Variants in BMPER observed in about 807,000 individuals in gnomAD.
BMPER encodes the protein BMP-binding endothelial regulator protein.
In BMPER, 45 loss-of-function variants were observed where a neutral mutation model predicts 87.3. The observed-to-expected ratio is 0.52, with a 90% CI of 0.41 to 0.66. BMPER has a LOEUF of 0.66. Among genes scored for constraint, BMPER ranks in the 30% least tolerant of loss-of-function variants. The probability of loss-of-function intolerance (pLI) is 0.00; values close to 1 mark genes in which losing one functional copy is unlikely to be tolerated. For synonymous variants in BMPER, 326 were observed against 316.2 expected, an observed-to-expected ratio of 1.03 and a Z score of -0.33; for missense variants, 784 against 867.5, an observed-to-expected ratio of 0.90 and a Z score of 1.21.
chr7:34,093,217 C>T (rs1468830849), intron 13 of BMPER, among the ~76,000 whole-genome samples: 2 of 152,178 alleles, frequency 1.3e-5, no homozygotes, highest in East Asian at 1.9e-4. Context: ...GTCCTCACCT[C>T]GTGGCATCAT....
chr7:34,011,494 T>C (rs1285401565), intron 6 of BMPER, among the ~76,000 whole-genome samples: 1 of 148,580 alleles, frequency 6.7e-6, no homozygotes. Flanking sequence ...CATACCGCTG[T>C]CTATGGAAGA....
intron 11 of BMPER, among the ~76,000 whole-genome samples, chr7:34,073,299 A>G (rs1788783330): frequency 6.6e-6 from 1 of 152,210 alleles, no homozygotes; most frequent in Admixed American, 6.5e-5. Flanking sequence ...CCATTATTCG[A>G]ACATCATAGA....
chr7:33,994,201 G>A (rs981036206), intron 6 of BMPER, among the ~76,000 whole-genome samples: 2 of 152,218 alleles, frequency 1.3e-5, no homozygotes, highest in Admixed American at 6.5e-5. Flanking sequence ...GGGCAATGGT[G>A]GGCGCCCCTC....
intron 2 of BMPER, among the ~76,000 whole-genome samples, chr7:33,927,054 T>C (rs1412140896): frequency 6.6e-6 from 1 of 152,244 alleles, no homozygotes; most frequent in African/African-American, 2.4e-5. Context: ...CAGGGTCAAT[T>C]GTGCAGATGT....
chr7:33,909,544 A>G lies in BMPER; in HGVS notation c.219+2641A>G, dbSNP rs866523473. 8.5e-5 allele frequency among the ~76,000 whole-genome samples: 13 copies of G among 152,268 alleles called. 1 individual carries two copies. In the Middle Eastern group the frequency reaches 0.014, roughly 159 times the overall value. ...TGGTTAGCTGGTTTTATGTATGTAC[A>G]TTAAGAGGGTATGTAATAGTCTCAA... is the stretch of plus-strand genomic sequence containing the variant. On this transcript the variant is annotated intron_variant, in intron 2 of 14. Transcript: ENST00000649409.
upstream of BMPER, among the ~76,000 whole-genome samples, chr7:33,905,313 G>C (rs1410235033): frequency 6.6e-6 from 1 of 150,992 alleles, no homozygotes; most frequent in Non-Finnish European, 1.5e-5. Flanking sequence ...CCCCCTCTCC[G>C]GCGCTGAGGG....
At chr7:34,035,032 A>G (rs1178840999) in intron 6 of BMPER, among the ~76,000 whole-genome samples, 1 of 152,142 alleles carries the variant, frequency 6.6e-6, no homozygotes, top group Non-Finnish European at 1.5e-5. Context: ...TTGATCATAT[A>G]TGGCCTAGAT....
intron 13 of BMPER, among the ~76,000 whole-genome samples, chr7:34,120,047 T>G (rs1562756440): frequency 6.6e-6 from 1 of 152,180 alleles, no homozygotes; most frequent in East Asian, 1.9e-4. Flanking sequence ...ACTTCACATT[T>G]ACATAAAAAA....
At chr7:34,123,310 T>C (rs994649132) in intron 13 of BMPER, among the ~76,000 whole-genome samples, 5 of 152,222 alleles carry the variant, frequency 3.3e-5, no homozygotes, top group African/African-American at 1.2e-4. Context: ...TGCTATCTTT[T>C]AGCACTAAGA....
chr7:34,037,358 G>T (rs1787706866), intron 6 of BMPER, among the ~76,000 whole-genome samples: 1 of 152,076 alleles, frequency 6.6e-6, no homozygotes, highest in East Asian at 1.9e-4. Context: ...AGCCAGGCTG[G>T]ACCTGCTCAC....
chr7:34,112,013 T>G (rs945592496), intron 13 of BMPER, among the ~76,000 whole-genome samples: 10 of 152,290 alleles, frequency 6.6e-5, no homozygotes, highest in African/African-American at 1.9e-4. Flanking sequence ...ATCTAAATGG[T>G]TACAAAAGAA....
rs1786603543 is a variant in BMPER at position 34,002,333 on chromosome 7, A to T, written c.576+27549A>T. The stretch of plus-strand genomic sequence containing the variant: ...AGTTACATGAGATATTTAATATTTT[A>T]TTATAAAATAGGCTTTGGGTTATAT... On this transcript the variant is annotated intron_variant, in intron 6 of 14. Coordinates refer to ENST00000649409, the MANE Select transcript of BMPER (RefSeq NM_001365308.1). Among the ~76,000 whole-genome samples, 7 of 151,826 alleles carry T rather than the reference A, an allele frequency of 4.6e-5. 1 individual carries two copies. Among genetic ancestry groups the T allele is most frequent in the Admixed American group, 4.6e-4 (7 of 15,240 alleles).
At chr7:34,058,285 C>G (rs557557835) in intron 10 of BMPER, 122 bp downstream of exon 10, 1 of 910,996 alleles carries the variant, frequency 1.1e-6, no homozygotes, top group East Asian at 2.6e-5. Context: ...ACATTCCTGA[C>G]TAGTCAAATG....
Position 34,153,675 on chromosome 7 carries a change from A to G in BMPER, c.*402A>G, listed in dbSNP as rs183730890. On this transcript the variant is annotated 3_prime_UTR_variant, in exon 15 of 15. Transcript: ENST00000649409. ...CCTGTATTAATTTTAGTTTTGAGTC[A>G]GGATTTGTAATGGAGTGGGAAATGT... 5.0e-6 allele frequency: 1 copy of G among 199,668 alleles called. No individual in the cohort carries two copies. Among genetic ancestry groups the G allele is most frequent in the Admixed American group, 5.4e-5 (1 of 18,658 alleles). 12.4% of individuals were successfully genotyped at this position (199,668 alleles called of 1,614,324 possible).
At chr7:34,062,394 A>G (rs1001133397) in intron 11 of BMPER, among the ~76,000 whole-genome samples, 1 of 152,236 alleles carries the variant, frequency 6.6e-6, no homozygotes, top group African/African-American at 2.4e-5. Context: ...AAAACCAAAC[A>G]TTATACAAAG....
chr7:33,997,313 T>A (rs1392143729), intron 6 of BMPER, among the ~76,000 whole-genome samples: 1 of 152,226 alleles, frequency 6.6e-6, no homozygotes, highest in African/African-American at 2.4e-5. Flanking sequence ...GGTTTAGCTC[T>A]GTGTCCCAAC....
chr7:33,974,571 C>T, intron 5 of BMPER, 131 bp from the exon 6 acceptor site: 1 of 910,220 alleles, frequency 1.1e-6, no homozygotes, highest in Admixed American at 1.8e-5. Flanking sequence ...ATGCAGCAAT[C>T]TTGTCCACTG....
rs991129861 is a variant in BMPER, at chr7:33,991,657, A to G, written c.576+16873A>G. ...TTTTAGTTATTTCTTGCCTTCTGCTAGCTTTTGAATGTGTTTGCTCTTGCT... is the reference window on the plus strand; with the variant it reads ...TTTTAGTTATTTCTTGCCTTCTGCTGGCTTTTGAATGTGTTTGCTCTTGCT... On this transcript the variant is annotated intron_variant, in intron 6 of 14. Coordinates refer to ENST00000649409, the MANE Select transcript of BMPER (RefSeq NM_001365308.1). Among the ~76,000 whole-genome samples the G allele has an allele frequency of 4.6e-5, 7 of 151,864 alleles. No homozygotes were observed. In the East Asian group the frequency reaches 9.7e-4, roughly 21 times the overall value.
At chr7:33,911,635 T>G (rs1032216959) in intron 2 of BMPER, among the ~76,000 whole-genome samples, 10 of 152,176 alleles carry the variant, frequency 6.6e-5, no homozygotes, top group Non-Finnish European at 1.2e-4. Context: ...CAGACAGTCT[T>G]GGGTTAAAAT....
Sources: gnomAD v4.1 joint callset for allele counts (sites outside exome capture counted in the v4.1 genomes callset) on GRCh38, gnomAD v4.1.1 for gene constraint, MANE v1.5 for transcripts, NCBI Gene and HGNC (gene_info 2026-07-23, HGNC 2026-07-21) for gene names.